The following MBD5 variants were observed in gnomAD, a reference collection of about 807,000 sequenced individuals.
MBD5 encodes the protein methyl-CpG-binding domain protein 5.
In MBD5, 13 loss-of-function variants were observed where a neutral mutation model predicts 117.3. The ratio of observed to expected loss-of-function variants is 0.11; its 90% CI spans 0.07 to 0.18. The LOEUF is 0.18. MBD5 is among the 10% of genes least tolerant of loss of function. The probability of loss-of-function intolerance (pLI) is 1.00; values close to 1 mark genes in which losing one functional copy is unlikely to be tolerated. For missense variants in MBD5, 1,879 were observed against 2,093.8 expected (o/e 0.90, Z 2.00); for synonymous variants, 727 against 766.4 (o/e 0.95, Z 0.85).
chr2:148,315,696 C>T (rs1217618753), intron 3 of MBD5, among the ~76,000 whole-genome samples: 3 of 152,156 alleles, frequency 2.0e-5, no homozygotes, highest in Non-Finnish European at 4.4e-5. Flanking sequence ...ATTCCTCTAC[C>T]CATCTACAAT....
chr2:148,489,340 A>G (rs560354620), intron 10 of MBD5, 46 bp from the exon 11 acceptor site: 1 of 1,612,086 alleles, frequency 6.2e-7, no homozygotes, highest in Admixed American at 1.7e-5. Context: ...TTGAGGCCTC[A>G]AAATTATTTC....
At chr2:148,263,273 A>C (rs1700775225) in intron 3 of MBD5, among the ~76,000 whole-genome samples, 2 of 152,340 alleles carry the variant, frequency 1.3e-5, no homozygotes, top group East Asian at 3.9e-4. Context: ...AGGATTGCTA[A>C]GCATGTTTAA....
At chr2:148,321,706 C>G (rs1405650924) in intron 3 of MBD5, among the ~76,000 whole-genome samples, 1 of 152,128 alleles carries the variant, frequency 6.6e-6, no homozygotes, top group Non-Finnish European at 1.5e-5. Context: ...CAAACCTTTC[C>G]CATTCCATTT....
intron 1 of MBD5, among the ~76,000 whole-genome samples, chr2:148,100,657 G>A (rs560010207): frequency 1.1e-4 from 17 of 152,318 alleles, no homozygotes; most frequent in Admixed American, 6.5e-4. Context: ...AAAAGGGCCT[G>A]TGCCATATGT....
chr2:148,392,686 C>A (rs1314458158), intron 4 of MBD5, among the ~76,000 whole-genome samples: 1 of 152,154 alleles, frequency 6.6e-6, no homozygotes, highest in Non-Finnish European at 1.5e-5. Context: ...CCAGCCTCAG[C>A]TCTGGCTCTG....
chr2:148,256,958 G>A (rs565619528), intron 3 of MBD5, among the ~76,000 whole-genome samples: 1 of 152,312 alleles, frequency 6.6e-6, no homozygotes, highest in East Asian at 1.9e-4. Flanking sequence ...CAGTTCAGGG[G>A]GTCGTTACCC....
chr2:148,467,269 A>G (rs1308177403), intron 7 of MBD5, among the ~76,000 whole-genome samples: 2 of 152,186 alleles, frequency 1.3e-5, no homozygotes, highest in East Asian at 1.9e-4. Context: ...GTAAGGGGCT[A>G]AAAAAGCGAA....
chr2:148,180,343 C>CAGATATATATATATATATAT (rs757856356), intron 2 of MBD5, among the ~76,000 whole-genome samples: 3 of 105,544 alleles, frequency 2.8e-5, no homozygotes, highest in African/African-American at 1.1e-4. Context: ...AAAAATTATA[C>CAGATATATATATATATATAT]ATATATATAT....
intron 4 of MBD5, among the ~76,000 whole-genome samples, chr2:148,379,891 G>A (rs1402779860): frequency 1.3e-5 from 2 of 152,102 alleles, no homozygotes; most frequent in East Asian, 1.9e-4. Flanking sequence ...TATAAATTTT[G>A]TAAGTCTATT....
chr2:148,411,233 C>G (rs1259500932), intron 4 of MBD5, among the ~76,000 whole-genome samples: 1 of 152,068 alleles, frequency 6.6e-6, no homozygotes, highest in African/African-American at 2.4e-5. Flanking sequence ...TGTATGTATA[C>G]CACATTTTCT....
chr2:148,027,351 T>C (rs1312519865), intron 1 of MBD5: 4 of 152,130 alleles, frequency 2.6e-5, no homozygotes, highest in Non-Finnish European at 2.9e-5. Context: ...AAAATACTTT[T>C]TAATACAGTT....
At chr2:148,348,355 C>G (rs997418737) in intron 4 of MBD5, among the ~76,000 whole-genome samples, 1 of 152,030 alleles carries the variant, frequency 6.6e-6, no homozygotes. Flanking sequence ...CCCTGGTTAA[C>G]TCTTCCTCAA....
rs776683539 is a variant in MBD5, at chr2:148,469,989, A to G, written c.2046A>G (p.Lys682=). Residue 682 remains lysine (K), a synonymous_variant, in exon 8 of 14, where the codon AAA becomes AAG. Transcript: ENST00000642680. ...QSQMDSSAVP[K]PGPDLLRKQG... ...AAATGGATAGTTCTGCAGTTCCTAA[A>G]CCTGGACCTGACTTGCTAAGGAAGC... 1 of 1,613,786 alleles carries G rather than the reference A, an allele frequency of 6.2e-7. No homozygotes were observed. The highest frequency in any genetic ancestry group is 8.5e-7 in the Non-Finnish European group (1 of 1,179,834).
At chr2:148,061,697 G>T (rs550469076) in intron 1 of MBD5, among the ~76,000 whole-genome samples, 1 of 151,790 alleles carries the variant, frequency 6.6e-6, no homozygotes, top group East Asian at 1.9e-4. Flanking sequence ...CCAAAGACTA[G>T]AATTCTTGAA....
chr2:148,447,605 G>A (rs949409160), intron 4 of MBD5: 3 of 152,140 alleles, frequency 2.0e-5, no homozygotes, highest in Non-Finnish European at 4.4e-5. Flanking sequence ...CCAGGCTGAT[G>A]GGAATGAAGC....
chr2:148,366,379 G>A (rs1703699279), intron 4 of MBD5, among the ~76,000 whole-genome samples: 1 of 152,014 alleles, frequency 6.6e-6, no homozygotes, highest in African/African-American at 2.4e-5. Flanking sequence ...CATACTGAAT[G>A]ACCAAAAGCC....
chr2:148,424,029 T>G (rs2105285489), intron 4 of MBD5, among the ~76,000 whole-genome samples: 1 of 150,830 alleles, frequency 6.6e-6, no homozygotes, highest in East Asian at 2.0e-4. Context: ...ATACAAAAAA[T>G]TACCCATGCA....
At chr2:148,107,668 A>AT (rs895835616) in intron 1 of MBD5, among the ~76,000 whole-genome samples, 9 of 151,050 alleles carry the variant, frequency 6.0e-5, no homozygotes, top group South Asian at 2.1e-4. Flanking sequence ...ATTTTTAGAA[A>AT]TTTTTTTTTG....
rs1703895338 is a variant in MBD5, at chr2:148,372,894, TC to T, written c.-557+30560del. 1.1e-4 allele frequency among the ~76,000 whole-genome samples: 17 copies of T among 152,202 alleles called. No homozygotes were observed. In the South Asian group the frequency reaches 3.5e-3, roughly 32 times the overall value. On this transcript the variant is annotated intron_variant, in intron 4 of 13. Coordinates refer to ENST00000642680, the MANE Select transcript of MBD5 (RefSeq NM_001378120.1). ...AGTCATTGTTACTCTCTATAATTTT[TC>T]CTCTGATTTTCCACCGACTCTGCTA... is the stretch of plus-strand genomic sequence containing the variant.
Sources: allele counts gnomAD v4.1 joint callset (sites outside exome capture counted in the v4.1 genomes callset), GRCh38; gene constraint gnomAD v4.1.1; transcripts MANE v1.5; gene names NCBI Gene and HGNC (gene_info 2026-07-23, HGNC 2026-07-21).